PKP4: variants seen among roughly 807,000 people sequenced by gnomAD.
The protein encoded by PKP4 is plakophilin-4.
In PKP4, 90 loss-of-function variants were observed where a neutral mutation model predicts 145.1. That is an observed-to-expected ratio of 0.62 (90% CI 0.52 to 0.74). The LOEUF is 0.74. Ranked by LOEUF, PKP4 falls within the 30% of genes least tolerant of loss-of-function variation. The pLI is 0.00. For missense variants in PKP4, 1,340 were observed against 1,482.7 expected, an observed-to-expected ratio of 0.90 and a Z score of 1.58; for synonymous variants, 563 against 577.2, an observed-to-expected ratio of 0.98 and a Z score of 0.35.
intron 1 of PKP4, among the ~76,000 whole-genome samples, chr2:158,518,317 C>A (rs1427706482): frequency 6.6e-6 from 1 of 152,196 alleles, no homozygotes; most frequent in African/African-American, 2.4e-5. Context: ...GCTGTTAGTC[C>A]TCTTAAGATT....
intron 3 of PKP4, among the ~76,000 whole-genome samples, chr2:158,598,956 AGTGTGAAACAGTATG>A (rs2050001628): frequency 1.3e-5 from 2 of 152,142 alleles, no homozygotes; most frequent in Admixed American, 6.5e-5. Flanking sequence ...TAGCAGTGGA[AGTGTGAAACAGTATG>A]GTGTGTGAGG....
At chr2:158,641,277 G>A (rs886216612) in intron 10 of PKP4, among the ~76,000 whole-genome samples, 3 of 151,822 alleles carry the variant, frequency 2.0e-5, no homozygotes, top group Admixed American at 1.3e-4. Context: ...GAAGGAGGTT[G>A]CAGTGAGCCG....
chr2:158,522,382 G>T (rs1006850856), intron 1 of PKP4, among the ~76,000 whole-genome samples: 1 of 152,190 alleles, frequency 6.6e-6, no homozygotes, highest in African/African-American at 2.4e-5. Flanking sequence ...AGTATATGTG[G>T]TCTGCAGCCT....
chr2:158,676,788 C>T lies in PKP4; in HGVS notation c.3177C>T (p.Arg1059=). Residue 1059 remains arginine, a synonymous_variant, in exon 20 of 22, where the codon CGC becomes CGT. Coordinates refer to ENST00000389759, the MANE Select transcript of PKP4 (RefSeq NM_003628.6). Reference sequence around the variant, plus strand: ...CACTGTTAGGAATCAGAGACCCTCGCTCTGAATACGATAGGACCCAGCCAC... The same window carrying T: ...CACTGTTAGGAATCAGAGACCCTCGTTCTGAATACGATAGGACCCAGCCAC... ...SPALLGIRDP[R]SEYDRTQPPM... 1 of 1,614,168 alleles carries T rather than the reference C, an allele frequency of 6.2e-7. No individual in the cohort carries two copies.
At chr2:158,634,016 A>C (rs1436274178) in intron 8 of PKP4, 54 bp from the exon 9 acceptor site, 2 of 936,850 alleles carry the variant, frequency 2.1e-6, no homozygotes, top group African/African-American at 3.3e-5. Flanking sequence ...CCTTTAATTA[A>C]AGTGTGATCT....
At position 158,522,987 on chromosome 2, in the gene PKP4, C is replaced by T. The variant is rs1275698996; in HGVS notation, c.-5-10193C>T. Among the ~76,000 whole-genome samples, 5 of 152,200 alleles carry T rather than the reference C, an allele frequency of 3.3e-5. No homozygotes were observed. The East Asian group carries it at 7.8e-4, about 24-fold the overall frequency. ...CCTGGCTCGGAGGGTCCTACGCCCA[C>T]GGAATCTCGCTGATTGCTAGCACAG... is the stretch of plus-strand genomic sequence containing the variant. On this transcript the variant is annotated intron_variant, in intron 1 of 21. Coordinates refer to ENST00000389759, the MANE Select transcript of PKP4 (RefSeq NM_003628.6).
Position 158,642,504 on chromosome 2 carries a change from A to G in PKP4, c.1714A>G (p.Ile572Val), listed in dbSNP as rs1234750989. ...ATTCTAGGTGTGTAGGTTAGGGGGA[A>G]TCAAGCATCTGGTTGACCTTCTGGA... ...VKMEVCRLGGIKHLVDLLDHR... is the reference protein window; with the variant it reads ...VKMEVCRLGGVKHLVDLLDHR... Residue 572 changes from isoleucine (I) to valine (V), a missense_variant, in exon 11 of 22, where the codon ATC becomes GTC. Ile to Val is a conservative substitution (Grantham distance 29). Coordinates refer to ENST00000389759, the MANE Select transcript of PKP4 (RefSeq NM_003628.6). The G allele has an allele frequency of 6.2e-7, 1 of 1,610,642 alleles. No homozygotes were observed. The highest frequency in any genetic ancestry group is 1.7e-5 in the Admixed American group (1 of 59,826).
chr2:158,680,445 A>T lies in PKP4; in HGVS notation c.3347A>T (p.Tyr1116Phe). ...TGTCAACAGCATCAACAGCTGTATT[A>T]TAGTCAAGATGACTCCAACAGAAAG... ...NRRLQHQQLY[Y>F]SQDDSNRKNF... is the part of the protein sequence containing the mutation. The change falls in exon 22 of 22, where the codon TAT becomes TTT. Residue 1116 changes from tyrosine to phenylalanine, a missense_variant. Coordinates refer to ENST00000389759, the MANE Select transcript of PKP4 (RefSeq NM_003628.6). 6.2e-7 allele frequency: 1 copy of T among 1,610,474 alleles called. No individual in the cohort carries two copies. Among genetic ancestry groups the T allele is most frequent in the Non-Finnish European group, 8.5e-7 (1 of 1,178,436 alleles).
chr2:158,625,111 C>T lies in PKP4; in HGVS notation c.837C>T (p.Pro279=), dbSNP rs1306506909. ...CAGCCTCTCCGTACTCACAGAGACCCGCCTCCCCAACAGCTATACGGCGGA... is the reference window on the plus strand; with the variant it reads ...CAGCCTCTCCGTACTCACAGAGACCTGCCTCCCCAACAGCTATACGGCGGA... The part of the protein sequence containing the change: ...ARAASPYSQR[P]ASPTAIRRIG... The change falls in exon 7 of 22, where the codon CCC becomes CCT. Residue 279 remains proline, a synonymous_variant. Coordinates refer to ENST00000389759, the MANE Select transcript of PKP4 (RefSeq NM_003628.6). 40 of 1,614,044 alleles carry T rather than the reference C, an allele frequency of 2.5e-5. No homozygotes were observed. Among genetic ancestry groups the T allele is most frequent in the Non-Finnish European group, 3.0e-5 (35 of 1,180,028 alleles).
At chr2:158,641,694 G>T (rs2054298001) in intron 10 of PKP4, among the ~76,000 whole-genome samples, 1 of 152,148 alleles carries the variant, frequency 6.6e-6, no homozygotes, top group South Asian at 2.1e-4. Flanking sequence ...ATAAAGCCCA[G>T]AAATACTCAA....
intron 1 of PKP4, among the ~76,000 whole-genome samples, chr2:158,500,762 T>C (rs1696436951): frequency 6.6e-6 from 1 of 152,166 alleles, no homozygotes; most frequent in Admixed American, 6.5e-5. Context: ...GAGATGCAAG[T>C]ATCTGGGAGA....
chr2:158,646,105 T>A (rs1272720208), intron 11 of PKP4, among the ~76,000 whole-genome samples: 1 of 152,234 alleles, frequency 6.6e-6, no homozygotes, highest in Non-Finnish European at 1.5e-5. Flanking sequence ...TATCAATCAC[T>A]TCTAATGTAA....
intron 6 of PKP4, 38 bp from the exon 7 acceptor site, chr2:158,624,839 TG>T: frequency 6.7e-7 from 1 of 1,502,160 alleles, no homozygotes; most frequent in South Asian, 1.3e-5. Flanking sequence ...CACAAAACCC[TG>T]GATAAACCCA....
At chr2:158,643,076 C>T (rs1229242165) in intron 11 of PKP4, among the ~76,000 whole-genome samples, 1 of 152,118 alleles carries the variant, frequency 6.6e-6, no homozygotes, top group Admixed American at 6.5e-5. Context: ...TACGTTAGCT[C>T]AGCTGGTGTC....
chr2:158,562,399 G>C (rs72936960), intron 2 of PKP4, among the ~76,000 whole-genome samples: 2 of 152,012 alleles, frequency 1.3e-5, no homozygotes, highest in East Asian at 1.9e-4. Flanking sequence ...AAGACAAATA[G>C]TATATACATA....
In PKP4 at chr2:158,561,010, C is replaced by T. The variant is rs114083966; in HGVS notation, c.133-16261C>T. On this transcript the variant is annotated intron_variant, in intron 2 of 21. Transcript: ENST00000389759. ...TGGCCTACCGGCTGAATCTGGCCCT[C>T]GCCTGTTTTTTATAGCCTGCAAGCT... 2.6e-3 allele frequency among the ~76,000 whole-genome samples: 402 copies of T among 152,286 alleles called. 1 individual carries two copies. The highest frequency in any genetic ancestry group is 0.01 in the Middle Eastern group (3 of 294).
intron 2 of PKP4, among the ~76,000 whole-genome samples, chr2:158,541,807 G>A (rs571802197): frequency 6.6e-5 from 10 of 151,942 alleles, no homozygotes; most frequent in Admixed American, 1.3e-4. Flanking sequence ...AGTGTTCATC[G>A]TGAGTTATCA....
At chr2:158,478,789 A>G (rs905618621) in intron 1 of PKP4, among the ~76,000 whole-genome samples, 7 of 152,244 alleles carry the variant, frequency 4.6e-5, no homozygotes, top group Non-Finnish European at 8.8e-5. Context: ...AGAATAATGT[A>G]TGGAGTGCCC....
intron 10 of PKP4, 80 bp downstream of exon 10, chr2:158,640,839 A>G: frequency 1.4e-6 from 2 of 1,460,194 alleles, no homozygotes; most frequent in Non-Finnish European, 1.9e-6. Context: ...TATTTAAGAA[A>G]TTACCCAGTG....
Sources: gnomAD v4.1 joint callset for allele counts (sites outside exome capture counted in the v4.1 genomes callset) on GRCh38, gnomAD v4.1.1 for gene constraint, MANE v1.5 for transcripts, NCBI Gene and HGNC (gene_info 2026-07-23, HGNC 2026-07-21) for gene names.